PCDHGA3: variants seen among roughly 807,000 people sequenced by gnomAD.
PCDHGA3 encodes protocadherin gamma-A3.
In PCDHGA3, 40 loss-of-function variants were observed where a neutral mutation model predicts 58.5. That is an observed-to-expected ratio of 0.68 (90% CI 0.53 to 0.89). The LOEUF is 0.89. PCDHGA3 is among the 40% of genes least tolerant of loss of function. The pLI, the probability that PCDHGA3 is intolerant of heterozygous loss-of-function variation, is 0.00. For synonymous variants in PCDHGA3, 530 were observed against 525.7 expected, an observed-to-expected ratio of 1.01 and a Z score of -0.11; for missense variants, 1,223 against 1,195.9, an observed-to-expected ratio of 1.02 and a Z score of -0.33.
At chr5:141,373,840 A>T in intron 1 of PCDHGA3, 1 of 434,496 alleles carries the variant, frequency 2.3e-6, no homozygotes, top group Non-Finnish European at 4.1e-6. Context: ...TTAAGTTAGG[A>T]CTCTAAGCGT....
chr5:141,367,766 A>G (rs1166226365), intron 1 of PCDHGA3: 1 of 152,176 alleles, frequency 6.6e-6, no homozygotes, highest in East Asian at 1.9e-4. Context: ...TGCACTCAAT[A>G]AATGTAAATA....
Position 141,393,196 on chromosome 5 carries a change from A to G in PCDHGA3, c.2424+46739A>G, listed in dbSNP as rs369051018. 9.7e-5 allele frequency: 157 copies of G among 1,613,374 alleles called. No individual in the cohort carries two copies. The highest frequency in any genetic ancestry group is 1.3e-4 in the Non-Finnish European group (149 of 1,179,898). On this transcript the variant is annotated intron_variant, in intron 1 of 3. Coordinates refer to ENST00000253812, the MANE Select transcript of PCDHGA3 (RefSeq NM_018916.4). ...GAAATAGAAATAATTGATATTAACG[A>G]TAATAACCCAAAATTCCAGGTCGAA...
intron 1 of PCDHGA3, among the ~76,000 whole-genome samples, chr5:141,446,719 G>C (rs899985752): frequency 2.6e-5 from 4 of 152,056 alleles, no homozygotes; most frequent in Admixed American, 1.3e-4. Flanking sequence ...TGCCCGCCTC[G>C]GCCTCCCAAA....
rs1386737349 is a variant in PCDHGA3 at position 141,486,423 on chromosome 5, C to T, written c.2425-8384C>T. The T allele has an allele frequency of 6.2e-7, 1 of 1,614,042 alleles. No individual in the cohort carries two copies. The highest frequency in any genetic ancestry group is 8.5e-7 in the Non-Finnish European group (1 of 1,180,030). ...ACTGCTGGACCCTTGGATCGAGAGG[C>T]CAAATCTAGCTATGACATCATGGTC... is the stretch of plus-strand genomic sequence containing the variant. On this transcript the variant is annotated intron_variant, in intron 1 of 3. Transcript: ENST00000253812. The surrounding 1 kb of genome is among the most constrained non-coding windows in gnomAD (Gnocchi z 5.0).
chr5:141,448,524 T>C (rs1177408162), intron 1 of PCDHGA3, among the ~76,000 whole-genome samples: 1 of 152,194 alleles, frequency 6.6e-6, no homozygotes, highest in Non-Finnish European at 1.5e-5. Context: ...TTATTAAGCA[T>C]CCTGTCAGCA....
chr5:141,414,139 G>A (rs1245110230), intron 1 of PCDHGA3: 6 of 1,596,386 alleles, frequency 3.8e-6, no homozygotes, highest in African/African-American at 1.3e-5. Context: ...CTATGAAATA[G>A]AAATACAAGC....
chr5:141,484,242 A>G (rs995022030), intron 1 of PCDHGA3, among the ~76,000 whole-genome samples: 1 of 152,216 alleles, frequency 6.6e-6, no homozygotes, highest in African/African-American at 2.4e-5. Flanking sequence ...TCTGGTCCTT[A>G]GCACCTCCCA....
intron 1 of PCDHGA3, chr5:141,383,858 A>C (rs1368399969): frequency 1.2e-6 from 2 of 1,613,996 alleles, no homozygotes. Flanking sequence ...ATGGAGGTTC[A>C]GGCTCAAGAT....
At chr5:141,409,184 T>C in intron 1 of PCDHGA3, 1 of 1,614,044 alleles carries the variant, frequency 6.2e-7, no homozygotes, top group Non-Finnish European at 8.5e-7. Context: ...AGGTGGTCTC[T>C]CTACCCAGTG....
chr5:141,407,651 G>A (rs1005294855), intron 1 of PCDHGA3, among the ~76,000 whole-genome samples: 1 of 151,926 alleles, frequency 6.6e-6, no homozygotes, highest in African/African-American at 2.4e-5. Flanking sequence ...AATAATGGGG[G>A]AGCGCAGTAT....
intron 1 of PCDHGA3, chr5:141,361,614 G>T (rs919763957): frequency 6.2e-7 from 1 of 1,613,946 alleles, no homozygotes. Flanking sequence ...CCATCGTAGC[G>T]AGCGACCTGA....
chr5:141,379,813 T>C (rs1775841720), intron 1 of PCDHGA3, among the ~76,000 whole-genome samples: 1 of 150,950 alleles, frequency 6.6e-6, no homozygotes, highest in South Asian at 2.1e-4. Flanking sequence ...GAGAGTTCAG[T>C]ATAGAATTTT....
At chr5:141,369,768 A>T (rs548016343) in intron 1 of PCDHGA3, among the ~76,000 whole-genome samples, 1 of 152,252 alleles carries the variant, frequency 6.6e-6, no homozygotes, top group Non-Finnish European at 1.5e-5. Context: ...CGTGAAGCTG[A>T]TATTTCAAGC....
intron 1 of PCDHGA3, among the ~76,000 whole-genome samples, chr5:141,488,007 G>A (rs1269050547): frequency 6.6e-6 from 1 of 152,178 alleles, no homozygotes; most frequent in African/African-American, 2.4e-5. Flanking sequence ...ATCAGATTCT[G>A]AAGTACCTTA....
At chr5:141,384,368 C>A (rs748304499) in intron 1 of PCDHGA3, 3 of 1,613,790 alleles carry the variant, frequency 1.9e-6, no homozygotes, top group Non-Finnish European at 2.5e-6. Flanking sequence ...ATCACTTATT[C>A]CTTGGCCGAA....
chr5:141,409,868 A>C (rs2095328786), intron 1 of PCDHGA3: 2 of 1,612,688 alleles, frequency 1.2e-6, no homozygotes, highest in Admixed American at 1.7e-5. Flanking sequence ...GGGAGACCGC[A>C]ATGACAACGC....
chr5:141,405,419 T>C, intron 1 of PCDHGA3: 7 of 1,509,010 alleles, frequency 4.6e-6, no homozygotes, highest in Non-Finnish European at 5.4e-6. Flanking sequence ...TTTTTTGTTT[T>C]TTGTTTTGTT....
intron 1 of PCDHGA3, chr5:141,365,375 C>T (rs752434944): frequency 5.0e-6 from 8 of 1,613,824 alleles, no homozygotes; most frequent in African/African-American, 4.0e-5. Flanking sequence ...CGAAGTGATC[C>T]TCACCTCTCT....
chr5:141,381,826 C>CTTCTT (rs1777532522), intron 1 of PCDHGA3, among the ~76,000 whole-genome samples: 13 of 74,294 alleles, frequency 1.7e-4, no homozygotes, highest in South Asian at 5.2e-4. Context: ...CTTTCTTCTT[C>CTTCTT]TTTTTTTTTT....
Sources: gnomAD v4.1 joint callset for allele counts (sites outside exome capture counted in the v4.1 genomes callset) on GRCh38, gnomAD v4.1.1 for gene constraint, Gnocchi (gnomAD v3.1) non-coding constraint, MANE v1.5 for transcripts, NCBI Gene and HGNC (gene_info 2026-07-23, HGNC 2026-07-21) for gene names.